Variants in KCND3 observed in about 807,000 individuals in gnomAD.
KCND3 encodes the protein A-type voltage-gated potassium channel KCND3.
In KCND3, 9 loss-of-function variants were observed where a neutral mutation model predicts 51.1. The observed-to-expected ratio is 0.18, with a 90% CI of 0.11 to 0.31. The LOEUF (loss-of-function observed/expected upper bound fraction) is 0.31. KCND3 is among the 10% of genes least tolerant of loss of function. KCND3 has a pLI of 1.00. For synonymous variants in KCND3, 349 were observed against 368.0 expected (o/e 0.95, Z 0.59); for missense variants, 526 against 903.8 (o/e 0.58, Z 5.36).
chr1:111,831,822 C>T (rs1249485285), intron 2 of KCND3, among the ~76,000 whole-genome samples: 1 of 152,192 alleles, frequency 6.6e-6, no homozygotes, highest in Non-Finnish European at 1.5e-5. Context: ...TTCAGAGATA[C>T]ATATTTTTAA....
In KCND3 at chr1:111,772,161, T is replaced by G. The variant is rs572832005; in HGVS notation, c.*3916A>C. 10 of 152,304 alleles carry G rather than the reference T, an allele frequency of 6.6e-5. No individual in the cohort carries two copies. Among genetic ancestry groups the G allele is most frequent in the African/African-American group, 2.4e-4 (10 of 41,560 alleles). The allele number at this position is 152,304 out of a possible 1,614,324, so 9.4% of individuals were successfully genotyped here. On this transcript the variant is annotated 3_prime_UTR_variant, in exon 8 of 8. Transcript: ENST00000302127. ...GTTTTCCCCTCTCTGAATCAAGGAT[T>G]TAGCTACTTTACCTACTACCATCAC...
intron 2 of KCND3, among the ~76,000 whole-genome samples, chr1:111,934,034 T>TTAC (rs1403403386): frequency 1.3e-5 from 2 of 152,174 alleles, no homozygotes; most frequent in East Asian, 3.8e-4. Flanking sequence ...AGCTAAGTGC[T>TTAC]TACTCTCTCC....
At chr1:111,983,602 T>A (rs926537074) in intron 1 of KCND3, among the ~76,000 whole-genome samples, 1 of 152,144 alleles carries the variant, frequency 6.6e-6, no homozygotes, top group African/African-American at 2.4e-5. Flanking sequence ...CTGACTTCCA[T>A]GCATCGTCTC....
At chr1:111,934,517 C>T (rs940140061) in intron 2 of KCND3, among the ~76,000 whole-genome samples, 5 of 152,210 alleles carry the variant, frequency 3.3e-5, no homozygotes, top group Admixed American at 6.5e-5. Flanking sequence ...AATTAATCCA[C>T]GGGGAATTTG....
At chr1:111,805,226 G>GGA (rs1553240124) in intron 2 of KCND3, among the ~76,000 whole-genome samples, 24 of 150,970 alleles carry the variant, frequency 1.6e-4, no homozygotes, top group Non-Finnish European at 3.0e-5. Context: ...CCAACAGGGG[G>GGA]AAAAAAAAAG....
chr1:111,950,281 T>G (rs1030258812), intron 2 of KCND3, among the ~76,000 whole-genome samples: 1 of 152,218 alleles, frequency 6.6e-6, no homozygotes, highest in Non-Finnish European at 1.5e-5. Flanking sequence ...CTCTATTTAA[T>G]TTTTTTGAAA....
intron 2 of KCND3, among the ~76,000 whole-genome samples, chr1:111,933,182 C>A (rs1193562871): frequency 6.6e-6 from 1 of 152,162 alleles, no homozygotes; most frequent in Non-Finnish European, 1.5e-5. Flanking sequence ...TCAAGAGGTG[C>A]CTTCTGCCAT....
chr1:111,901,239 G>A (rs1670368370), intron 2 of KCND3, among the ~76,000 whole-genome samples: 1 of 152,194 alleles, frequency 6.6e-6, no homozygotes, highest in Non-Finnish European at 1.5e-5. Context: ...TCCAAAGGGT[G>A]ATGTGTTATA....
chr1:111,897,536 G>A (rs1670179881), intron 2 of KCND3, among the ~76,000 whole-genome samples: 3 of 152,250 alleles, frequency 2.0e-5, no homozygotes, highest in Admixed American at 1.3e-4. Context: ...GTGAACGTGC[G>A]TGGGGCACAG....
At chr1:111,926,332 A>G (rs1671694673) in intron 2 of KCND3, among the ~76,000 whole-genome samples, 1 of 152,210 alleles carries the variant, frequency 6.6e-6, no homozygotes, top group African/African-American at 2.4e-5. Flanking sequence ...TATGTACTGG[A>G]CACTTCAGCA....
intron 2 of KCND3, among the ~76,000 whole-genome samples, chr1:111,906,888 C>A (rs914063722): frequency 1.2e-4 from 18 of 152,238 alleles, no homozygotes; most frequent in African/African-American, 2.9e-4. Flanking sequence ...TCCAACATCT[C>A]TGAAGCCTTT....
At chr1:111,821,698 C>T (rs1229452258) in intron 2 of KCND3, among the ~76,000 whole-genome samples, 1 of 152,186 alleles carries the variant, frequency 6.6e-6, no homozygotes, top group Non-Finnish European at 1.5e-5. Context: ...AGTGTCTTCT[C>T]CTCCTCCAGT....
intron 2 of KCND3, among the ~76,000 whole-genome samples, chr1:111,794,293 C>T (rs1664964560): frequency 6.6e-6 from 1 of 152,232 alleles, no homozygotes; most frequent in Non-Finnish European, 1.5e-5. Context: ...TTCATTTCTT[C>T]CTCCAGGTGC....
intron 1 of KCND3, chr1:111,988,967 C>T (rs1028375606): frequency 1.3e-5 from 2 of 152,332 alleles, no homozygotes; most frequent in East Asian, 1.9e-4. Flanking sequence ...TCCCTCTCCC[C>T]GGGGCCGCGA....
chr1:111,965,659 G>A (rs1230490093), intron 2 of KCND3, among the ~76,000 whole-genome samples: 1 of 152,046 alleles, frequency 6.6e-6, no homozygotes, highest in African/African-American at 2.4e-5. Context: ...TGATCCCCTT[G>A]CAGCCCCTAT....
chr1:111,772,398 A>G lies in KCND3; in HGVS notation c.*3679T>C, dbSNP rs1663960159. 6.6e-6 allele frequency: 1 copy of G among 152,220 alleles called. No individual in the cohort carries two copies. The highest frequency in any genetic ancestry group is 2.4e-5 in the African/African-American group (1 of 41,456). 9.4% of individuals were successfully genotyped at this position (152,220 alleles called of 1,614,324 possible). A position where few individuals can be genotyped will look rare whatever the true frequency, so the allele number is the denominator to read the frequency against. ...TGGTTTGTATTGGTACAGTCAGGTGATTTCCAAGGGCTGTGTCCAAGTAGT... is the reference window on the plus strand; with the variant it reads ...TGGTTTGTATTGGTACAGTCAGGTGGTTTCCAAGGGCTGTGTCCAAGTAGT... On this transcript the variant is annotated 3_prime_UTR_variant, in exon 8 of 8. Coordinates refer to ENST00000302127, the MANE Select transcript of KCND3 (RefSeq NM_001378969.1).
At chr1:111,858,923 A>T (rs1477736943) in intron 2 of KCND3, among the ~76,000 whole-genome samples, 1 of 152,120 alleles carries the variant, frequency 6.6e-6, no homozygotes, top group Non-Finnish European at 1.5e-5. Context: ...CCTGGCATAA[A>T]CGCTTGGCTA....
intron 2 of KCND3, among the ~76,000 whole-genome samples, chr1:111,923,315 C>T (rs182704709): frequency 6.6e-6 from 1 of 152,330 alleles, no homozygotes; most frequent in Non-Finnish European, 1.5e-5. Flanking sequence ...TGGTTTCCTG[C>T]CTGCTTCCCT....
chr1:111,775,740 T>A lies in KCND3; in HGVS notation c.*337A>T, dbSNP rs569827274. 5.1e-6 allele frequency: 2 copies of A among 395,964 alleles called. No homozygotes were observed. Among genetic ancestry groups the A allele is most frequent in the Non-Finnish European group, 9.6e-6 (2 of 209,368 alleles). The allele number at this position is 395,964 out of a possible 1,614,324, so 24.5% of individuals were successfully genotyped here. A position where few individuals can be genotyped will look rare whatever the true frequency, so the allele number is the denominator to read the frequency against. On this transcript the variant is annotated 3_prime_UTR_variant, in exon 8 of 8. Transcript: ENST00000302127. ...CCTCACTGGGGTCTCCAGAAACGAC[T>A]GTTATTTGGTCTGAGTCTGAGGCTC...
Sources: allele counts gnomAD v4.1 joint callset (sites outside exome capture counted in the v4.1 genomes callset), GRCh38; gene constraint gnomAD v4.1.1; transcripts MANE v1.5; gene names NCBI Gene and HGNC (gene_info 2026-07-23, HGNC 2026-07-21).